The following PLA2G4A variants were observed in gnomAD, a reference collection of about 807,000 sequenced individuals.
The protein encoded by PLA2G4A is cytosolic phospholipase A2.
In PLA2G4A, 40 loss-of-function variants were observed where a neutral mutation model predicts 81.9. The observed-to-expected ratio is 0.49, with a 90% CI of 0.38 to 0.64. The LOEUF is 0.64. Among genes scored for constraint, PLA2G4A ranks in the 30% least tolerant of loss-of-function variants. PLA2G4A has a pLI of 0.00. For missense variants in PLA2G4A, 715 were observed against 905.1 expected (o/e 0.79, Z 2.69); for synonymous variants, 302 against 296.9 (o/e 1.02, Z -0.18).
intron 8 of PLA2G4A, among the ~76,000 whole-genome samples, chr1:186,934,622 C>T (rs1233254218): frequency 6.6e-6 from 1 of 151,218 alleles, no homozygotes; most frequent in Non-Finnish European, 1.5e-5. Flanking sequence ...CAGCTTTTAC[C>T]TTTTTATTTC....
chr1:186,924,371 C>T (rs183234582), intron 7 of PLA2G4A, among the ~76,000 whole-genome samples: 6 of 152,286 alleles, frequency 3.9e-5, no homozygotes, highest in African/African-American at 1.4e-4. Flanking sequence ...CTTGTTCTTG[C>T]CCTATCTTAC....
chr1:186,962,383 T>C (rs955864367), intron 14 of PLA2G4A, among the ~76,000 whole-genome samples: 1 of 152,096 alleles, frequency 6.6e-6, no homozygotes, highest in Non-Finnish European at 1.5e-5. Flanking sequence ...ATTATTGTGT[T>C]TTTAAATGTT....
intron 5 of PLA2G4A, among the ~76,000 whole-genome samples, chr1:186,900,152 T>C (rs1654485748): frequency 6.6e-6 from 1 of 152,130 alleles, no homozygotes; most frequent in Non-Finnish European, 1.5e-5. Flanking sequence ...TGCTTTTGAC[T>C]CAGACTCAGA....
At chr1:186,904,383 T>A (rs1008867157) in intron 5 of PLA2G4A, among the ~76,000 whole-genome samples, 1 of 152,228 alleles carries the variant, frequency 6.6e-6, no homozygotes, top group Non-Finnish European at 1.5e-5. Context: ...CTTTATGCCA[T>A]GTGTGGGAAG....
chr1:186,836,255 CATTA>C (rs774327545), intron 1 of PLA2G4A, among the ~76,000 whole-genome samples: 1 of 150,858 alleles, frequency 6.6e-6, no homozygotes, highest in Non-Finnish European at 1.5e-5. Flanking sequence ...TCAGGTAAAT[CATTA>C]GTTATTCAAT....
At chr1:186,890,029 T>C (rs1185742798) in intron 3 of PLA2G4A, among the ~76,000 whole-genome samples, 1 of 152,190 alleles carries the variant, frequency 6.6e-6, no homozygotes, top group African/African-American at 2.4e-5. Context: ...ACTTTAACAC[T>C]AAAATAAAGT....
At chr1:186,846,190 A>G (rs939437459) in intron 1 of PLA2G4A, among the ~76,000 whole-genome samples, 4 of 152,214 alleles carry the variant, frequency 2.6e-5, no homozygotes, top group Admixed American at 1.3e-4. Flanking sequence ...GCAGAAACCT[A>G]AAATATCTGC....
At chr1:186,983,541 GTTTATC>G (rs1302261940) in intron 17 of PLA2G4A, among the ~76,000 whole-genome samples, 42 of 152,292 alleles carry the variant, frequency 2.8e-4, no homozygotes, top group Non-Finnish European at 5.9e-5. Flanking sequence ...CTAAATTTCA[GTTTATC>G]TTTAGAGGAC....
In PLA2G4A at chr1:186,965,448, T is replaced by A; in HGVS notation, c.1619T>A (p.Val540Asp). ...GAGCGAATATATGAGCCTCTGGATG[T>A]CAAAAGTAAAAAGATTCATGTAGTG... is the stretch of plus-strand genomic sequence containing the variant. Reference protein sequence around the residue: ...EFERIYEPLDVKSKKIHVVDS... With the variant: ...EFERIYEPLDDKSKKIHVVDS... Residue 540 changes from valine to aspartate, a missense_variant, in exon 15 of 18, where the codon GTC becomes GAC. Transcript: ENST00000367466. 6.2e-7 allele frequency: 1 copy of A among 1,611,990 alleles called. No homozygotes were observed. Among genetic ancestry groups the A allele is most frequent in the Non-Finnish European group, 8.5e-7 (1 of 1,178,038 alleles).
At chr1:186,961,115 CA>C (rs758588522) in intron 14 of PLA2G4A, among the ~76,000 whole-genome samples, 35 of 151,818 alleles carry the variant, frequency 2.3e-4, no homozygotes, top group Middle Eastern at 3.4e-3. Context: ...CTGTTATGTG[CA>C]ATCTAAAAAA....
chr1:186,936,118 C>T (rs1655933932), intron 8 of PLA2G4A, among the ~76,000 whole-genome samples: 2 of 151,870 alleles, frequency 1.3e-5, no homozygotes, highest in Non-Finnish European at 2.9e-5. Context: ...TGGATGTTGA[C>T]TGCCAAGTTT....
chr1:186,907,449 C>A (rs1487951714), intron 6 of PLA2G4A, among the ~76,000 whole-genome samples: 1 of 152,178 alleles, frequency 6.6e-6, no homozygotes, highest in Non-Finnish European at 1.5e-5. Flanking sequence ...CCCAGCTGGA[C>A]TACTGCTAAT....
intron 1 of PLA2G4A, among the ~76,000 whole-genome samples, chr1:186,838,647 T>C (rs1197264961): frequency 1.3e-5 from 2 of 152,192 alleles, no homozygotes; most frequent in Admixed American, 1.3e-4. Context: ...CTTCATGTTC[T>C]AGTTGGTAGA....
At chr1:186,897,594 T>C (rs1654378058) in intron 5 of PLA2G4A, among the ~76,000 whole-genome samples, 1 of 152,162 alleles carries the variant, frequency 6.6e-6, no homozygotes, top group African/African-American at 2.4e-5. Context: ...CTGCAACTTC[T>C]GCCTCCCAAG....
At chr1:186,830,960 TTCTTTCTTTCTTTCTTTC>T (rs1558339116) in intron 1 of PLA2G4A, among the ~76,000 whole-genome samples, 2 of 33,742 alleles carry the variant, frequency 5.9e-5, no homozygotes, top group African/African-American at 2.2e-4. Flanking sequence ...CTTGCTTGCT[TTCTTTCTTTCTTTCTTTC>T]TTTCTTTCTT....
chr1:186,830,608 CAA>C (rs55745208), intron 1 of PLA2G4A, among the ~76,000 whole-genome samples: 51 of 72,682 alleles, frequency 7.0e-4, no homozygotes, highest in South Asian at 1.1e-3. Context: ...AGCTCTGTCT[CAA>C]AAAAAAAAAA....
In PLA2G4A at chr1:186,939,967, CT is replaced by C; in HGVS notation, c.919-11del. On this transcript the variant is annotated splice_polypyrimidine_tract_variant and intron_variant, in intron 9 of 17. Coordinates refer to ENST00000367466, the MANE Select transcript of PLA2G4A (RefSeq NM_024420.3). Reference sequence around the variant, plus strand: ...TAAATTTAAAGTCATCTTTTTCTTTCTTCTGTGGACAGAGAATGAATACTAC... The same window carrying C: ...TAAATTTAAAGTCATCTTTTTCTTTCTCTGTGGACAGAGAATGAATACTAC... 1 of 1,213,282 alleles carries C rather than the reference CT, an allele frequency of 8.2e-7. No individual in the cohort carries two copies. The highest frequency in any genetic ancestry group is 1.2e-6 in the Non-Finnish European group (1 of 814,204). 75.2% of individuals were successfully genotyped at this position (1,213,282 alleles called of 1,614,324 possible).
chr1:186,949,185 T>A (rs1480535616), intron 12 of PLA2G4A, among the ~76,000 whole-genome samples: 1 of 151,898 alleles, frequency 6.6e-6, no homozygotes, highest in African/African-American at 2.4e-5. Flanking sequence ...TATCGTGAAT[T>A]CTTCCTTACA....
chr1:186,961,460 G>A (rs1286614578), intron 14 of PLA2G4A, among the ~76,000 whole-genome samples: 3 of 151,168 alleles, frequency 2.0e-5, no homozygotes, highest in Admixed American at 6.6e-5. Context: ...ATAAATATAC[G>A]CAATTATTAT....
Sources: allele counts gnomAD v4.1 joint callset (sites outside exome capture counted in the v4.1 genomes callset), GRCh38; gene constraint gnomAD v4.1.1; transcripts MANE v1.5; gene names NCBI Gene and HGNC (gene_info 2026-07-23, HGNC 2026-07-21).